CACNA1D: variants seen among roughly 807,000 people sequenced by gnomAD.
CACNA1D encodes calcium voltage-gated channel subunit alpha1 D.
In CACNA1D, 55 loss-of-function variants were observed where a neutral mutation model predicts 257.1. The observed-to-expected ratio is 0.21, with a 90% CI of 0.17 to 0.27. The LOEUF is 0.27. Among genes scored for constraint, CACNA1D ranks in the 10% least tolerant of loss-of-function variants. The pLI is 1.00. For missense variants in CACNA1D, 1,876 were observed against 2,784.0 expected (o/e 0.67, Z 7.34); for synonymous variants, 980 against 1,014.9 (o/e 0.97, Z 0.65).
chr3:53,661,113 A>G (rs576585143), intron 5 of CACNA1D, among the ~76,000 whole-genome samples: 1 of 152,206 alleles, frequency 6.6e-6, no homozygotes, highest in Non-Finnish European at 1.5e-5. Context: ...TCTGCCCCTG[A>G]TAGGACTCCT....
At chr3:53,691,928 A>G (rs1425557580) in intron 8 of CACNA1D, among the ~76,000 whole-genome samples, 12 of 49,844 alleles carry the variant, frequency 2.4e-4, no homozygotes, top group South Asian at 1.2e-3. Context: ...TATATTATAT[A>G]TATTATATAT....
chr3:53,667,841 ATG>A (rs61605595), intron 7 of CACNA1D, among the ~76,000 whole-genome samples: 96 of 149,936 alleles, frequency 6.4e-4, no homozygotes, highest in Middle Eastern at 3.5e-3. Flanking sequence ...GTGTGTATGC[ATG>A]TGTGTGTGTG....
intron 4 of CACNA1D, among the ~76,000 whole-genome samples, chr3:53,656,352 T>C (rs899996052): frequency 6.6e-6 from 1 of 152,254 alleles, no homozygotes; most frequent in Non-Finnish European, 1.5e-5. Flanking sequence ...ACATTGAATC[T>C]GTAAATTGCT....
At chr3:53,675,086 T>C (rs72967878) in intron 8 of CACNA1D, among the ~76,000 whole-genome samples, 2,965 of 152,264 alleles carry the variant, frequency 0.019, 98 homozygotes, top group African/African-American at 0.067. Flanking sequence ...CTGGATTGAA[T>C]GTAGTCAGTT....
intron 3 of CACNA1D, among the ~76,000 whole-genome samples, chr3:53,522,656 A>G (rs561878995): frequency 5.5e-4 from 84 of 152,312 alleles, no homozygotes; most frequent in African/African-American, 2.0e-3. Context: ...AATTTTATTG[A>G]TATGTAATAA....
intron 3 of CACNA1D, among the ~76,000 whole-genome samples, chr3:53,543,273 C>G (rs2092343750): frequency 1.3e-5 from 2 of 152,190 alleles, no homozygotes; most frequent in Non-Finnish European, 2.9e-5. Flanking sequence ...CGTAATGTCT[C>G]TGAATTTATA....
At chr3:53,596,758 A>G (rs930488907) in intron 3 of CACNA1D, among the ~76,000 whole-genome samples, 7 of 152,242 alleles carry the variant, frequency 4.6e-5, no homozygotes, top group Non-Finnish European at 8.8e-5. Flanking sequence ...TCCTAATTTT[A>G]GTTCAGCAAG....
Position 53,673,199 on chromosome 3 carries a change from A to T in CACNA1D, c.1220+73A>T. ...GCCAAGACCACACAAGCTTTGCTGG[A>T]TGAGGGCCGCCAAGAGGGGTTGCCA... On this transcript the variant is annotated intron_variant, in intron 8 of 47. Transcript: ENST00000350061. The surrounding 1 kb of genome is among the most constrained non-coding windows in gnomAD (Gnocchi z 4.1). 2 of 1,023,900 alleles carry T rather than the reference A, an allele frequency of 2.0e-6. No individual in the cohort carries two copies. The highest frequency in any genetic ancestry group is 4.1e-5 in the Admixed American group (2 of 48,428). The allele number at this position is 1,023,900 out of a possible 1,614,324, so 63.4% of individuals were successfully genotyped here.
intron 3 of CACNA1D, among the ~76,000 whole-genome samples, chr3:53,569,624 G>T (rs1162139225): frequency 6.6e-6 from 1 of 152,192 alleles, no homozygotes; most frequent in Non-Finnish European, 1.5e-5. Context: ...GATGGTCTTT[G>T]TCTTGGAACT....
At chr3:53,663,815 G>C (rs2094231316) in intron 5 of CACNA1D, among the ~76,000 whole-genome samples, 1 of 151,844 alleles carries the variant, frequency 6.6e-6, no homozygotes. Context: ...TGGAGACGAA[G>C]TCTTGCTCTG....
At chr3:53,798,285 G>C (rs532819074) in intron 40 of CACNA1D, among the ~76,000 whole-genome samples, 1 of 151,088 alleles carries the variant, frequency 6.6e-6, no homozygotes, top group Non-Finnish European at 1.5e-5. Flanking sequence ...GATCCTGAGA[G>C]AGGGAAAGTG....
chr3:53,610,690 T>G (rs2093572034), intron 3 of CACNA1D, among the ~76,000 whole-genome samples: 1 of 152,254 alleles, frequency 6.6e-6, no homozygotes, highest in Non-Finnish European at 1.5e-5. Context: ...TTTCCATCTA[T>G]TTGTTGTTCC....
chr3:53,810,776 A>C (rs1214294671), intron 47 of CACNA1D, among the ~76,000 whole-genome samples: 1 of 149,452 alleles, frequency 6.7e-6, no homozygotes, highest in Non-Finnish European at 1.5e-5. Context: ...AAAAAAAAAA[A>C]AAAAAAAAAA....
chr3:53,559,219 A>C (rs895822959), intron 3 of CACNA1D, among the ~76,000 whole-genome samples: 4 of 152,148 alleles, frequency 2.6e-5, no homozygotes, highest in Non-Finnish European at 5.9e-5. Flanking sequence ...TGTTTTTGCT[A>C]TCATTCCATT....
chr3:53,560,157 G>A (rs975501976), intron 3 of CACNA1D, among the ~76,000 whole-genome samples: 1 of 150,402 alleles, frequency 6.6e-6, no homozygotes, highest in African/African-American at 2.5e-5. Context: ...TGGATGGTGA[G>A]CTGCCTTTGA....
chr3:53,650,765 G>C lies in CACNA1D; in HGVS notation c.484-14G>C, dbSNP rs1559468456. ...CCCTGCTTTTTTGGTATGTTTCTTT[G>C]TTTTTCTTCACAGGAAAAAGTAGAA... On this transcript the variant is annotated splice_polypyrimidine_tract_variant and intron_variant, in intron 3 of 47. Coordinates refer to ENST00000350061, the MANE Select transcript of CACNA1D (RefSeq NM_001128840.3). 2 of 1,613,346 alleles carry C rather than the reference G, an allele frequency of 1.2e-6. No homozygotes were observed. Among genetic ancestry groups the C allele is most frequent in the Non-Finnish European group, 1.7e-6 (2 of 1,179,676 alleles).
At chr3:53,805,711 CCCTCCT>C (rs1031103270) in intron 45 of CACNA1D, among the ~76,000 whole-genome samples, 1 of 151,152 alleles carries the variant, frequency 6.6e-6, no homozygotes, top group African/African-American at 2.4e-5. Flanking sequence ...CCCTCATCTT[CCCTCCT>C]CCTCCTCCAT....
intron 3 of CACNA1D, among the ~76,000 whole-genome samples, chr3:53,634,572 C>T (rs866776107): frequency 3.3e-5 from 5 of 152,204 alleles, no homozygotes; most frequent in Middle Eastern, 3.4e-3. Context: ...TAAAGTGAAG[C>T]TGAGTAGGAT....
At chr3:53,536,469 A>C (rs9311504) in intron 3 of CACNA1D, among the ~76,000 whole-genome samples, 15,079 of 152,212 alleles carry the variant, frequency 0.099, 2,193 homozygotes, top group African/African-American at 0.32. Context: ...CATGGGAACT[A>C]CCAGGTTAAA....
Sources: allele counts gnomAD v4.1 joint callset (sites outside exome capture counted in the v4.1 genomes callset), GRCh38; gene constraint gnomAD v4.1.1; non-coding constraint Gnocchi (gnomAD v3.1); transcripts MANE v1.5; gene names NCBI Gene and HGNC (gene_info 2026-07-23, HGNC 2026-07-21).